ZDHHC3: variants seen among roughly 807,000 people sequenced by gnomAD.
The protein encoded by ZDHHC3 is palmitoyltransferase ZDHHC3.
Under a neutral mutation model 30.6 loss-of-function variants are expected in ZDHHC3, and 9 were observed. The ratio of observed to expected loss-of-function variants is 0.29; its 90% CI spans 0.18 to 0.51. The LOEUF is 0.51. Among genes scored for constraint, ZDHHC3 ranks in the 20% least tolerant of loss-of-function variants. The pLI, the probability that ZDHHC3 is intolerant of heterozygous loss-of-function variation, is 0.97. For synonymous variants in ZDHHC3, 136 were observed against 140.2 expected, an observed-to-expected ratio of 0.97 and a Z score of 0.21; for missense variants, 246 against 384.2, an observed-to-expected ratio of 0.64 and a Z score of 3.01.
chr3:44,963,154 G>C (rs1053884289), intron 1 of ZDHHC3, among the ~76,000 whole-genome samples: 2 of 152,216 alleles, frequency 1.3e-5, no homozygotes, highest in African/African-American at 2.4e-5. Context: ...CATGAGGTAA[G>C]TGGACTGACT....
In ZDHHC3 at chr3:44,926,842, T is replaced by C; in HGVS notation, c.747A>G (p.Ile249Met). The change falls in exon 7 of 7, where the codon ATA becomes ATG. Residue 249 changes from isoleucine (I) to methionine (M), a missense_variant. Transcript: ENST00000424952. ...VHSICTDETG[I>M]EQLKKEERRW... ...TTCTCTCTTCCTTTTTCAATTGTTC[T>C]ATTCCCTGAAAACAAGAACAATCAT... 6.2e-7 allele frequency: 1 copy of C among 1,604,376 alleles called. No individual in the cohort carries two copies. The highest frequency in any genetic ancestry group is 8.5e-7 in the Non-Finnish European group (1 of 1,175,836).
At chr3:44,930,031 A>G (rs1209808936) in intron 5 of ZDHHC3, among the ~76,000 whole-genome samples, 1 of 152,208 alleles carries the variant, frequency 6.6e-6, no homozygotes, top group Non-Finnish European at 1.5e-5. Flanking sequence ...CCCCGCTCCC[A>G]GGGACATTTG....
At chr3:44,934,753 G>A (rs1375532260) in intron 3 of ZDHHC3, among the ~76,000 whole-genome samples, 1 of 151,898 alleles carries the variant, frequency 6.6e-6, no homozygotes, top group Non-Finnish European at 1.5e-5. Flanking sequence ...TTAGCTGGGT[G>A]TGGTGGTGCA....
In ZDHHC3 at chr3:44,919,446, A is replaced by G. The variant is rs1279775321; in HGVS notation, c.*7243T>C. 6.6e-6 allele frequency: 1 copy of G among 152,436 alleles called. No homozygotes were observed. The highest frequency in any genetic ancestry group is 1.5e-5 in the Non-Finnish European group (1 of 68,208). 9.4% of individuals were successfully genotyped at this position (152,436 alleles called of 1,614,324 possible). A position where few individuals can be genotyped will look rare whatever the true frequency, so the allele number is the denominator to read the frequency against. ...ATTGATGAAAAGATTTTGGAACCAG[A>G]CAGACCTGGTGGTTACAAAACATTG... On this transcript the variant is annotated 3_prime_UTR_variant, in exon 7 of 7. Coordinates refer to ENST00000424952, the MANE Select transcript of ZDHHC3 (RefSeq NM_001135179.2).
In ZDHHC3 at chr3:44,921,527, T is replaced by C; in HGVS notation, c.*5162A>G. The C allele has an allele frequency of 1.0e-6, 1 of 985,422 alleles. No individual in the cohort carries two copies. Among genetic ancestry groups the C allele is most frequent in the Non-Finnish European group, 1.2e-6 (1 of 829,934 alleles). The allele number at this position is 985,422 out of a possible 1,614,324, so 61.0% of individuals were successfully genotyped here. ...CTGCAATATGTAATGCATTAAACAT[T>C]TTTCTTGAAAAACATGCTGGTTGCA... On this transcript the variant is annotated 3_prime_UTR_variant, in exon 7 of 7. Coordinates refer to ENST00000424952, the MANE Select transcript of ZDHHC3 (RefSeq NM_001135179.2).
chr3:44,966,748 A>G (rs993736728), intron 1 of ZDHHC3, among the ~76,000 whole-genome samples: 2 of 152,200 alleles, frequency 1.3e-5, no homozygotes, highest in African/African-American at 4.8e-5. Flanking sequence ...AAGGATCCAA[A>G]AGGATTGTAA....
Position 44,959,993 on chromosome 3 carries a change from G to A in ZDHHC3, c.-24-533C>T, listed in dbSNP as rs1458162739. The stretch of plus-strand genomic sequence containing the variant: ...GCCCAGGCTGATCTCAAACTCCTGA[G>A]CTCAAGTTATCTGCCCACCTCGGCC... On this transcript the variant is annotated intron_variant, in intron 1 of 6. Transcript: ENST00000424952. This position sits in a 1 kb window ranked among gnomAD's most constrained non-coding sequence, Gnocchi z 4.3. 6.6e-6 allele frequency among the ~76,000 whole-genome samples: 1 copy of A among 152,116 alleles called. No individual in the cohort carries two copies. The highest frequency in any genetic ancestry group is 2.4e-5 in the African/African-American group (1 of 41,404).
intron 2 of ZDHHC3, among the ~76,000 whole-genome samples, chr3:44,951,660 G>A (rs1703463187): frequency 6.6e-6 from 1 of 152,090 alleles, no homozygotes; most frequent in South Asian, 2.1e-4. Context: ...AGCAGGCTCT[G>A]AGCTCTCCCT....
At chr3:44,947,641 C>G (rs1486450692) in intron 2 of ZDHHC3, among the ~76,000 whole-genome samples, 1 of 152,020 alleles carries the variant, frequency 6.6e-6, no homozygotes, top group Admixed American at 6.5e-5. Flanking sequence ...CAAAAAACTA[C>G]AGATGCCTAG....
At chr3:44,963,812 T>C (rs958265618) in intron 1 of ZDHHC3, among the ~76,000 whole-genome samples, 2 of 152,182 alleles carry the variant, frequency 1.3e-5, no homozygotes, top group Admixed American at 1.3e-4. Context: ...TCCCCCTCCC[T>C]GTCTCCTTCA....
intron 5 of ZDHHC3, among the ~76,000 whole-genome samples, 163 bp from the exon 6 acceptor site, chr3:44,929,599 C>T (rs767653205): frequency 3.9e-5 from 6 of 152,188 alleles, no homozygotes; most frequent in Non-Finnish European, 5.9e-5. Context: ...ATCATCCTGG[C>T]CCACACTGGC....
Position 44,920,224 on chromosome 3 carries a change from C to T in ZDHHC3, c.*6465G>A, listed in dbSNP as rs1337261307. The T allele has an allele frequency of 4.7e-6, 6 of 1,289,976 alleles. No individual in the cohort carries two copies. The highest frequency in any genetic ancestry group is 6.1e-6 in the Non-Finnish European group (6 of 988,908). The allele number at this position is 1,289,976 out of a possible 1,614,324, so 79.9% of individuals were successfully genotyped here. On this transcript the variant is annotated 3_prime_UTR_variant, in exon 7 of 7. Transcript: ENST00000424952. ...TGGGTCATGAGCATGTGATGCCATG[C>T]TGCTTCCTGACTGGCCCCTCGCCAG... is the stretch of plus-strand genomic sequence containing the variant.
intron 3 of ZDHHC3, among the ~76,000 whole-genome samples, chr3:44,939,089 T>C (rs906762408): frequency 5.3e-5 from 8 of 152,182 alleles, no homozygotes; most frequent in Non-Finnish European, 1.2e-4. Flanking sequence ...TCAAAGGGCC[T>C]TACTAACACA....
intron 3 of ZDHHC3, among the ~76,000 whole-genome samples, chr3:44,936,879 C>A (rs1052016310): frequency 5.4e-5 from 8 of 148,804 alleles, no homozygotes; most frequent in East Asian, 4.0e-4. Flanking sequence ...GTTAAAACCC[C>A]CCCCCAAAAC....
At chr3:44,944,585 TA>T (rs1186709176) in intron 3 of ZDHHC3, among the ~76,000 whole-genome samples, 11 of 152,230 alleles carry the variant, frequency 7.2e-5, no homozygotes, top group Admixed American at 6.5e-4. Context: ...GCCCAGCCAA[TA>T]AAGTACAACT....
rs1705942510 is a variant in ZDHHC3 at position 44,975,941 on chromosome 3, C to T, written c.-33G>A. On this transcript the variant is annotated 5_prime_UTR_variant, in exon 1 of 7. Coordinates refer to ENST00000424952, the MANE Select transcript of ZDHHC3 (RefSeq NM_001135179.2). ...TTCCCTTCCCAACTGACCGTGAAGC[C>T]GGAGGCAGTTCCCCAGTCCCAGACC... The T allele has an allele frequency of 3.8e-6, 1 of 260,016 alleles. No individual in the cohort carries two copies. Among genetic ancestry groups the T allele is most frequent in the Non-Finnish European group, 7.2e-6 (1 of 138,536 alleles). The allele number at this position is 260,016 out of a possible 1,614,324, so 16.1% of individuals were successfully genotyped here.
rs745329123 is a variant in ZDHHC3, at chr3:44,924,617, A to G, written c.*2072T>C. ...ATCTACTGCATTCCTGAGAAATGCC[A>G]GGGGAAAAGAGCTAACCTGGCTCAC... On this transcript the variant is annotated 3_prime_UTR_variant, in exon 7 of 7. Coordinates refer to ENST00000424952, the MANE Select transcript of ZDHHC3 (RefSeq NM_001135179.2). 21 of 985,470 alleles carry G rather than the reference A, an allele frequency of 2.1e-5. No homozygotes were observed. Among genetic ancestry groups the G allele is most frequent in the Non-Finnish European group, 2.5e-5 (21 of 829,934 alleles). The allele number at this position is 985,470 out of a possible 1,614,324, so 61.0% of individuals were successfully genotyped here. A position where few individuals can be genotyped will look rare whatever the true frequency, so the allele number is the denominator to read the frequency against.
chr3:44,954,898 G>T (rs945575430), intron 2 of ZDHHC3, among the ~76,000 whole-genome samples: 4 of 152,140 alleles, frequency 2.6e-5, no homozygotes, highest in African/African-American at 9.7e-5. Flanking sequence ...AAGAAATGAG[G>T]AAAAGAGAGA....
intron 2 of ZDHHC3, among the ~76,000 whole-genome samples, chr3:44,950,740 T>C (rs1703374936): frequency 6.6e-6 from 1 of 152,258 alleles, no homozygotes; most frequent in Non-Finnish European, 1.5e-5. Flanking sequence ...TTATGCTCTT[T>C]TGGGCTCATC....
Sources: allele counts gnomAD v4.1 joint callset (sites outside exome capture counted in the v4.1 genomes callset), GRCh38; gene constraint gnomAD v4.1.1; non-coding constraint Gnocchi (gnomAD v3.1); transcripts MANE v1.5; gene names NCBI Gene and HGNC (gene_info 2026-07-23, HGNC 2026-07-21).